HMGN3: variants seen among roughly 807,000 people sequenced by gnomAD.
HMGN3 encodes high mobility group nucleosome-binding domain-containing protein 3.
Under a neutral mutation model 18.8 loss-of-function variants are expected in HMGN3, and 6 were observed. That is an observed-to-expected ratio of 0.32 (90% CI 0.18 to 0.63). HMGN3 has a LOEUF of 0.63. Ranked by LOEUF, HMGN3 falls within the 30% of genes least tolerant of loss-of-function variation. The probability of loss-of-function intolerance (pLI) is 0.79; values close to 1 mark genes in which losing one functional copy is unlikely to be tolerated. For missense variants in HMGN3, 107 were observed against 114.2 expected (o/e 0.94, Z 0.29); for synonymous variants, 40 against 36.5 (o/e 1.10, Z -0.35).
At chr6:79,205,675 A>C (rs1776390030) in intron 3 of HMGN3, among the ~76,000 whole-genome samples, 1 of 152,234 alleles carries the variant, frequency 6.6e-6, no homozygotes, top group South Asian at 2.1e-4. Flanking sequence ...GGCACTGCTG[A>C]AAGATAATGA....
intron 1 of HMGN3, among the ~76,000 whole-genome samples, chr6:79,216,924 T>C (rs1394375450): frequency 6.6e-6 from 1 of 152,194 alleles, no homozygotes; most frequent in Non-Finnish European, 1.5e-5. Flanking sequence ...CTATAATTGA[T>C]AGGCAGTTAA....
intron 2 of HMGN3, among the ~76,000 whole-genome samples, chr6:79,209,908 G>C (rs962299984): frequency 1.3e-5 from 2 of 152,198 alleles, no homozygotes; most frequent in Non-Finnish European, 2.9e-5. Context: ...ATCAGAGCTG[G>C]ACTTAAGGCC....
intron 2 of HMGN3, among the ~76,000 whole-genome samples, chr6:79,213,695 T>G (rs540764628): frequency 6.6e-6 from 1 of 152,322 alleles, no homozygotes; most frequent in Non-Finnish European, 1.5e-5. Context: ...CTGTTTTGTT[T>G]TGCTTTTAAA....
intron 3 of HMGN3, among the ~76,000 whole-genome samples, chr6:79,204,854 C>A (rs779390030): frequency 2.6e-5 from 4 of 152,230 alleles, no homozygotes; most frequent in African/African-American, 9.6e-5. Flanking sequence ...AGGCCAAATA[C>A]AGCAGCTTTC....
chr6:79,231,579 A>C (rs1777836740), intron 1 of HMGN3, among the ~76,000 whole-genome samples: 2 of 152,244 alleles, frequency 1.3e-5, no homozygotes, highest in Admixed American at 1.3e-4. Context: ...ATACACATAA[A>C]ACTTACAAAG....
At chr6:79,214,774 C>A (rs1311315749) in intron 2 of HMGN3, among the ~76,000 whole-genome samples, 198 bp downstream of exon 2, 2 of 152,120 alleles carry the variant, frequency 1.3e-5, no homozygotes, top group Non-Finnish European at 1.5e-5. Flanking sequence ...ATCAATATAC[C>A]CAACTGAAAC....
chr6:79,232,821 G>C (rs1044632016), intron 1 of HMGN3, among the ~76,000 whole-genome samples: 1 of 152,036 alleles, frequency 6.6e-6, no homozygotes, highest in Admixed American at 6.6e-5. Context: ...TCTGTAACCC[G>C]TATCTTGATG....
exon 1 of HMGN3, chr6:79,234,673 C>G: frequency 9.6e-7 from 1 of 1,039,004 alleles, no homozygotes; most frequent in Non-Finnish European, 1.5e-6. Context: ...CGACGTAGCC[C>G]GGCCTCTTCG....
At chr6:79,208,105 T>C (rs1284766073) in intron 3 of HMGN3, among the ~76,000 whole-genome samples, 1 of 152,138 alleles carries the variant, frequency 6.6e-6, no homozygotes, top group African/African-American at 2.4e-5. Context: ...ATTATTACTA[T>C]TACAAAGATT....
In HMGN3 at chr6:79,214,956, T is replaced by G. The variant is rs1776899096; in HGVS notation, c.66+16A>C. On this transcript the variant is annotated intron_variant, in intron 2 of 5. Transcript: ENST00000344726. ...AATGTAAATAATTAAATATAGGATG[T>G]CAAAGATATACTTACCTCCTGTTTA... is the stretch of plus-strand genomic sequence containing the variant. 1 of 1,356,334 alleles carries G rather than the reference T, an allele frequency of 7.4e-7. No homozygotes were observed. The highest frequency in any genetic ancestry group is 2.0e-5 in the Admixed American group (1 of 50,522). 84.0% of individuals were successfully genotyped at this position (1,356,334 alleles called of 1,614,324 possible). A position where few individuals can be genotyped will look rare whatever the true frequency, so the allele number is the denominator to read the frequency against.
intron 1 of HMGN3, among the ~76,000 whole-genome samples, chr6:79,222,683 C>A (rs1246973445): frequency 6.6e-6 from 1 of 152,080 alleles, no homozygotes; most frequent in Non-Finnish European, 1.5e-5. Flanking sequence ...CTTTAAATAT[C>A]CAATACTTGG....
intron 2 of HMGN3, among the ~76,000 whole-genome samples, chr6:79,210,220 A>T (rs568597792): frequency 1.3e-5 from 2 of 152,178 alleles, no homozygotes; most frequent in African/African-American, 2.4e-5. Flanking sequence ...ACCGGGCAAT[A>T]AGAGGTATCT....
At chr6:79,222,734 G>C (rs1243255296) in intron 1 of HMGN3, among the ~76,000 whole-genome samples, 1 of 152,080 alleles carries the variant, frequency 6.6e-6, no homozygotes, top group Non-Finnish European at 1.5e-5. Context: ...TCAAACTTAC[G>C]TTAAATTTAT....
intron 1 of HMGN3, among the ~76,000 whole-genome samples, chr6:79,230,461 G>A (rs1223844299): frequency 6.6e-6 from 1 of 152,124 alleles, no homozygotes; most frequent in African/African-American, 2.4e-5. Context: ...TGTTTTAAAG[G>A]AAATTATACT....
chr6:79,218,481 T>C (rs1366679960), intron 1 of HMGN3, among the ~76,000 whole-genome samples: 1 of 152,100 alleles, frequency 6.6e-6, no homozygotes, highest in Non-Finnish European at 1.5e-5. Context: ...TATGTAGCAG[T>C]GAACACAAAT....
chr6:79,218,499 G>A (rs144416535), intron 1 of HMGN3, among the ~76,000 whole-genome samples: 52 of 152,264 alleles, frequency 3.4e-4, no homozygotes, highest in Non-Finnish European at 6.2e-4. Context: ...AATGAACTAC[G>A]GGTGTGCACA....
At chr6:79,214,864 A>G in intron 2 of HMGN3, 108 bp downstream of exon 2, 1 of 692,208 alleles carries the variant, frequency 1.4e-6, no homozygotes. Flanking sequence ...ATTCATATTA[A>G]ACTTTGTTCA....
chr6:79,211,633 T>C (rs970058774), intron 2 of HMGN3, among the ~76,000 whole-genome samples: 1 of 152,104 alleles, frequency 6.6e-6, no homozygotes, highest in African/African-American at 2.4e-5. Context: ...GCTTTTAGAA[T>C]GAAAAGTCAT....
rs539181956 is a variant in HMGN3, at chr6:79,204,378, A to G, written c.97-748T>C. ...CTCATGTGGTCCTCCTCCAGTTCCC[A>G]TGAGCAGCACCTGCACACCGTGTGA... is the stretch of plus-strand genomic sequence containing the variant. On this transcript the variant is annotated intron_variant, in intron 3 of 5. Coordinates refer to ENST00000344726, the Ensembl canonical transcript of HMGN3. Among the ~76,000 whole-genome samples, 10 of 152,306 alleles carry G rather than the reference A, an allele frequency of 6.6e-5. No homozygotes were observed. In the East Asian group the frequency reaches 1.7e-3, roughly 26 times the overall value.
Sources: gnomAD v4.1 joint callset for allele counts (sites outside exome capture counted in the v4.1 genomes callset) on GRCh38, gnomAD v4.1.1 for gene constraint, MANE v1.5 for transcripts, NCBI Gene and HGNC (gene_info 2026-07-23, HGNC 2026-07-21) for gene names.